CDC27: variants seen among roughly 807,000 people sequenced by gnomAD.
CDC27 encodes the protein cell division cycle protein 27 homolog.
In CDC27, 27 loss-of-function variants were observed where a neutral mutation model predicts 109.7. That is an observed-to-expected ratio of 0.25 (90% CI 0.18 to 0.34). CDC27 has a LOEUF of 0.34. Ranked by LOEUF, CDC27 falls within the 10% of genes least tolerant of loss-of-function variation. The pLI is 1.00. For missense variants in CDC27, 579 were observed against 960.2 expected, an observed-to-expected ratio of 0.60 and a Z score of 5.25; for synonymous variants, 266 against 333.9, an observed-to-expected ratio of 0.80 and a Z score of 2.22.
At chr17:47,176,086 T>C (rs1325224348) in intron 2 of CDC27, among the ~76,000 whole-genome samples, 2 of 152,202 alleles carry the variant, frequency 1.3e-5, no homozygotes, top group Non-Finnish European at 2.9e-5. Context: ...TAGGATAGTA[T>C]CTGACACATA....
chr17:47,129,538 T>C lies in CDC27; in HGVS notation c.2032-17A>G, dbSNP rs779450686. On this transcript the variant is annotated splice_polypyrimidine_tract_variant and intron_variant, in intron 15 of 18. Coordinates refer to ENST00000066544, the MANE Select transcript of CDC27 (RefSeq NM_001256.6). ...ATGTTGAACCTGTAAGAAATAAAGA[T>C]CATGTTAATACTCCCTCTTGATATT... 1.1e-5 allele frequency: 17 copies of C among 1,570,690 alleles called. No individual in the cohort carries two copies. Among genetic ancestry groups the C allele is most frequent in the Non-Finnish European group, 1.4e-5 (16 of 1,152,784 alleles).
At chr17:47,126,354 C>G (rs951868997) in intron 16 of CDC27, among the ~76,000 whole-genome samples, 2 of 152,104 alleles carry the variant, frequency 1.3e-5, no homozygotes, top group Non-Finnish European at 2.9e-5. Flanking sequence ...TTCAGCGAAG[C>G]CCCAAGCTCA....
chr17:47,135,383 C>G (rs76012916), intron 14 of CDC27, among the ~76,000 whole-genome samples: 1 of 151,410 alleles, frequency 6.6e-6, no homozygotes, highest in Non-Finnish European at 1.5e-5. Context: ...GTTTATATTA[C>G]GGAGACTTCT....
rs755685863 is a variant in CDC27 at position 47,142,249 on chromosome 17, T to C, written c.1358A>G (p.Asn453Ser). ...CAGACCTGCTGCTGCTTTTTGTAGA[T>C]TAAAGGCCTGAATCTGAGGTGTGAT... is the stretch of plus-strand genomic sequence containing the variant. ...STITPQIQAFNLQKAAAEGLM... is the reference protein window; with the variant it reads ...STITPQIQAFSLQKAAAEGLM... The change falls in exon 11 of 19, where the codon AAT becomes AGT. Residue 453 changes from asparagine (N) to serine (S), a missense_variant. By Grantham distance (46) the Asn-to-Ser change is conservative (BLOSUM62 1). Coordinates refer to ENST00000066544, the MANE Select transcript of CDC27 (RefSeq NM_001256.6). The C allele has an allele frequency of 1.3e-6, 2 of 1,598,690 alleles. No homozygotes were observed. The highest frequency in any genetic ancestry group is 3.4e-5 in the Admixed American group (2 of 58,862).
At chr17:47,171,544 G>T (rs2063812782) in intron 3 of CDC27, among the ~76,000 whole-genome samples, 1 of 152,192 alleles carries the variant, frequency 6.6e-6, no homozygotes, top group Non-Finnish European at 1.5e-5. Context: ...AAATGATCTT[G>T]AAAGGAAACT....
intron 13 of CDC27, among the ~76,000 whole-genome samples, chr17:47,137,904 G>T (rs992807128): frequency 2.0e-5 from 3 of 151,736 alleles, no homozygotes; most frequent in Non-Finnish European, 4.4e-5. Flanking sequence ...AGGCTCAAGT[G>T]ATCCTCCTGT....
intron 16 of CDC27, among the ~76,000 whole-genome samples, chr17:47,127,963 T>C (rs1278804534): frequency 6.6e-6 from 1 of 151,920 alleles, no homozygotes; most frequent in Non-Finnish European, 1.5e-5. Context: ...TGCCTCTTCC[T>C]CCAAAGTGAC....
In CDC27 at chr17:47,148,385, G is replaced by A. The variant is rs536135935; in HGVS notation, c.1070+3421C>T. Among the ~76,000 whole-genome samples the A allele has an allele frequency of 2.3e-4, 35 of 152,162 alleles. No homozygotes were observed. The South Asian group carries it at 6.6e-3, about 29-fold the overall frequency. On this transcript the variant is annotated intron_variant, in intron 9 of 18. Transcript: ENST00000066544. The stretch of plus-strand genomic sequence containing the variant: ...ATAAACACTATCCAAAATGAAACAC[G>A]GAGAGGAGAAAGATTGGAAACAAAA...
At chr17:47,128,426 T>G (rs770507862) in intron 16 of CDC27, among the ~76,000 whole-genome samples, 2 of 152,206 alleles carry the variant, frequency 1.3e-5, no homozygotes, top group African/African-American at 2.4e-5. Context: ...CTTTCTCAGT[T>G]TCCTTATCTT....
intron 8 of CDC27, among the ~76,000 whole-genome samples, chr17:47,153,076 G>T (rs1179553192): frequency 6.6e-6 from 1 of 152,032 alleles, no homozygotes; most frequent in African/African-American, 2.4e-5. Context: ...TTCCAAATTG[G>T]GATCACTACA....
chr17:47,147,353 C>A (rs933580940), intron 9 of CDC27, among the ~76,000 whole-genome samples: 1 of 151,046 alleles, frequency 6.6e-6, no homozygotes, highest in Non-Finnish European at 1.5e-5. Flanking sequence ...GAGTCGAGAT[C>A]GCGCCACTGC....
intron 10 of CDC27, 81 bp downstream of exon 10, chr17:47,143,802 T>A: frequency 1.8e-6 from 1 of 540,816 alleles, no homozygotes; most frequent in Non-Finnish European, 3.1e-6. Flanking sequence ...GTTAACTTAT[T>A]AGGAATGGAG....
intron 16 of CDC27, among the ~76,000 whole-genome samples, chr17:47,124,811 C>T (rs563316788): frequency 3.3e-5 from 5 of 152,220 alleles, no homozygotes; most frequent in East Asian, 1.9e-4. Flanking sequence ...AGGTAAATAA[C>T]GTCAAGATAT....
intron 1 of CDC27, among the ~76,000 whole-genome samples, chr17:47,186,867 T>C (rs764332222): frequency 6.6e-5 from 10 of 152,200 alleles, no homozygotes; most frequent in Non-Finnish European, 1.0e-4. Flanking sequence ...TTTTCCAACT[T>C]ACTCTCATTG....
At chr17:47,151,323 A>C (rs1699222127) in intron 9 of CDC27, among the ~76,000 whole-genome samples, 1 of 152,206 alleles carries the variant, frequency 6.6e-6, no homozygotes, top group Non-Finnish European at 1.5e-5. Flanking sequence ...CAGTTTTAGA[A>C]AGGAGAAAGA....
chr17:47,151,211 C>A (rs1010151519), intron 9 of CDC27, among the ~76,000 whole-genome samples: 1 of 152,186 alleles, frequency 6.6e-6, no homozygotes, highest in African/African-American at 2.4e-5. Flanking sequence ...ATTAGACTTA[C>A]CATTCTGGGA....
intron 9 of CDC27, among the ~76,000 whole-genome samples, chr17:47,148,816 A>G (rs2063058489): frequency 6.6e-6 from 1 of 152,204 alleles, no homozygotes; most frequent in South Asian, 2.1e-4. Flanking sequence ...GTAGTGGCTC[A>G]TGCCTGTAAT....
chr17:47,124,174 T>TG (rs2148793777), intron 16 of CDC27, among the ~76,000 whole-genome samples: 1 of 47,696 alleles, frequency 2.1e-5, no homozygotes, highest in East Asian at 8.6e-4. Context: ...TCTAGTACAC[T>TG]GAAAACACAC....
chr17:47,135,195 T>C (rs557663651), intron 14 of CDC27, among the ~76,000 whole-genome samples: 171 of 152,316 alleles, frequency 1.1e-3, no homozygotes, highest in African/African-American at 3.9e-3. Context: ...ATTATAATTA[T>C]AGCATACATA....
Sources: allele counts gnomAD v4.1 joint callset (sites outside exome capture counted in the v4.1 genomes callset), GRCh38; gene constraint gnomAD v4.1.1; transcripts MANE v1.5; gene names NCBI Gene and HGNC (gene_info 2026-07-23, HGNC 2026-07-21).